Variants in FGF14 observed in about 807,000 individuals in gnomAD.
The protein encoded by FGF14 is fibroblast growth factor 14.
In FGF14, 5 loss-of-function variants were observed where a neutral mutation model predicts 25.5. That is an observed-to-expected ratio of 0.20 (90% CI 0.10 to 0.41). The LOEUF is 0.41. Among genes scored for constraint, FGF14 ranks in the 10% least tolerant of loss-of-function variants. The probability of loss-of-function intolerance (pLI) is 1.00; values close to 1 mark genes in which losing one functional copy is unlikely to be tolerated. For missense variants in FGF14, 222 were observed against 320.1 expected (o/e 0.69, Z 2.34); for synonymous variants, 138 against 118.3 (o/e 1.17, Z -1.08).
intron 1 of FGF14, among the ~76,000 whole-genome samples, chr13:102,144,501 AAAGT>A (rs2046772295): frequency 6.6e-6 from 1 of 151,928 alleles, no homozygotes; most frequent in Non-Finnish European, 1.5e-5. Flanking sequence ...AGCTATTTAT[AAAGT>A]AAATTATTGA....
intron 1 of FGF14, among the ~76,000 whole-genome samples, chr13:102,339,670 C>T (rs939037702): frequency 5.9e-5 from 9 of 152,074 alleles, no homozygotes; most frequent in Non-Finnish European, 1.2e-4. Flanking sequence ...TATAAGTCTG[C>T]ACCTAGCAAA....
intron 1 of FGF14, among the ~76,000 whole-genome samples, chr13:101,939,056 T>C (rs1209192189): frequency 1.3e-5 from 2 of 152,114 alleles, no homozygotes; most frequent in Non-Finnish European, 1.5e-5. Context: ...CAGCTCAAAA[T>C]GCCAATAGTG....
At chr13:102,342,989 C>A (rs2056997458) in intron 1 of FGF14, among the ~76,000 whole-genome samples, 1 of 152,102 alleles carries the variant, frequency 6.6e-6, no homozygotes, top group Non-Finnish European at 1.5e-5. Context: ...AATACAAAAT[C>A]AGTAAGAGTA....
At chr13:102,359,718 A>G (rs1216769456) in intron 1 of FGF14, among the ~76,000 whole-genome samples, 3 of 152,172 alleles carry the variant, frequency 2.0e-5, no homozygotes, top group Non-Finnish European at 4.4e-5. Flanking sequence ...ATTAAGTGAA[A>G]CTTTGCATTA....
intron 1 of FGF14, among the ~76,000 whole-genome samples, chr13:101,893,885 A>G (rs2030185396): frequency 6.6e-6 from 1 of 152,124 alleles, no homozygotes; most frequent in South Asian, 2.1e-4. Flanking sequence ...TGAGAAACCA[A>G]TACACCTGAC....
In FGF14 at chr13:102,166,021, A is replaced by T. The variant is rs189985497; in HGVS notation, c.208+235450T>A. The stretch of plus-strand genomic sequence containing the variant: ...TTCACTTTGTTGTCCAGCCATCACC[A>T]TCGTCCATCTCCAGAATGTTTTCAT... On this transcript the variant is annotated intron_variant, in intron 1 of 4. Transcript: ENST00000376131. Among the ~76,000 whole-genome samples the T allele has an allele frequency of 2.7e-3, 416 of 151,704 alleles. 2 individuals carry two copies. Among genetic ancestry groups the T allele is most frequent in the Non-Finnish European group, 4.9e-3 (335 of 67,902 alleles).
rs2034998833 is a variant in FGF14, at chr13:101,721,670, T to TAAC, written c.*1158_*1160dup. On this transcript the variant is annotated 3_prime_UTR_variant, in exon 5 of 5. Transcript: ENST00000376143. ...AAAATATTAAAGTCTAATTAATTTATAACTAACGTTTGCATTGCTGCTGCA... is the reference window on the plus strand; with the variant it reads ...AAAATATTAAAGTCTAATTAATTTATAACAACTAACGTTTGCATTGCTGCTGCA... 6.6e-6 allele frequency: 1 copy of TAAC among 152,108 alleles called. No homozygotes were observed. The highest frequency in any genetic ancestry group is 2.4e-5 in the African/African-American group (1 of 41,430). The allele number at this position is 152,108 out of a possible 1,614,324, so 9.4% of individuals were successfully genotyped here.
intron 1 of FGF14, among the ~76,000 whole-genome samples, chr13:101,892,946 G>A (rs904126418): frequency 6.6e-6 from 1 of 152,130 alleles, no homozygotes; most frequent in African/African-American, 2.4e-5. Context: ...GAATATTTGA[G>A]GTCAGTAGAT....
intron 1 of FGF14, among the ~76,000 whole-genome samples, chr13:102,264,077 A>G (rs1431214882): frequency 6.7e-6 from 1 of 150,160 alleles, no homozygotes; most frequent in African/African-American, 2.5e-5. Context: ...ATTCCTATGT[A>G]CTTCTGAGGT....
At chr13:102,060,453 G>C (rs958895807) in intron 1 of FGF14, among the ~76,000 whole-genome samples, 8 of 152,174 alleles carry the variant, frequency 5.3e-5, no homozygotes, top group Non-Finnish European at 8.8e-5. Flanking sequence ...ATGAACCCGG[G>C]GGGCAGAGCT....
At chr13:102,161,841 A>C (rs902087949) in intron 1 of FGF14, among the ~76,000 whole-genome samples, 2 of 151,922 alleles carry the variant, frequency 1.3e-5, no homozygotes, top group Non-Finnish European at 2.9e-5. Flanking sequence ...AAAAAAAAAA[A>C]AAACCTGGAG....
intron 1 of FGF14, among the ~76,000 whole-genome samples, chr13:102,020,531 G>A (rs2139860449): frequency 6.6e-6 from 1 of 152,030 alleles, no homozygotes; most frequent in African/African-American, 2.4e-5. Flanking sequence ...TGGGCAATCA[G>A]AGTGAAACTC....
upstream of FGF14, among the ~76,000 whole-genome samples, chr13:101,917,649 G>C (rs2033671833): frequency 6.6e-6 from 1 of 152,000 alleles, no homozygotes; most frequent in Non-Finnish European, 1.5e-5. Context: ...CCAACCCCGG[G>C]TTGGAGGGAG....
intron 1 of FGF14, among the ~76,000 whole-genome samples, chr13:102,119,033 A>C (rs2045599264): frequency 6.7e-6 from 1 of 149,790 alleles, no homozygotes; most frequent in South Asian, 2.1e-4. Flanking sequence ...GCCAAACATC[A>C]TCACTGGATG....
chr13:101,789,216 CTTTCTT>C, intron 3 of FGF14, among the ~76,000 whole-genome samples: 1 of 152,058 alleles, frequency 6.6e-6, no homozygotes, highest in East Asian at 1.9e-4. Flanking sequence ...ATGGAGCTCT[CTTTCTT>C]AAGACATCAT....
At chr13:101,771,716 C>T (rs1049379773) in intron 3 of FGF14, among the ~76,000 whole-genome samples, 11 of 151,912 alleles carry the variant, frequency 7.2e-5, no homozygotes, top group Non-Finnish European at 1.0e-4. Context: ...TAAAACTTTC[C>T]GAAGTTTTTT....
chr13:102,334,816 T>C (rs980422090), intron 1 of FGF14, among the ~76,000 whole-genome samples: 1 of 152,182 alleles, frequency 6.6e-6, no homozygotes, highest in Non-Finnish European at 1.5e-5. Flanking sequence ...AAGGATGTCC[T>C]AGATTTTTCA....
intron 3 of FGF14, among the ~76,000 whole-genome samples, chr13:101,817,459 T>C (rs1470981136): frequency 1.3e-5 from 2 of 152,214 alleles, no homozygotes; most frequent in Non-Finnish European, 2.9e-5. Flanking sequence ...GGTGGCAGAT[T>C]ATTCAGAAAA....
At chr13:102,353,779 G>C (rs548775356) in intron 1 of FGF14, among the ~76,000 whole-genome samples, 1 of 152,160 alleles carries the variant, frequency 6.6e-6, no homozygotes, top group Non-Finnish European at 1.5e-5. Context: ...ACCCTGCAGA[G>C]TGTTTTTCCT....
Sources: gnomAD v4.1 joint callset for allele counts (sites outside exome capture counted in the v4.1 genomes callset) on GRCh38, gnomAD v4.1.1 for gene constraint, MANE v1.5 for transcripts, NCBI Gene and HGNC (gene_info 2026-07-23, HGNC 2026-07-21) for gene names.